The following ZNF385D variants were observed in gnomAD, a reference collection of about 807,000 sequenced individuals.
ZNF385D encodes zinc finger protein 659.
A neutral mutation model predicts 35.8 loss-of-function variants in ZNF385D; 15 were observed. That is an observed-to-expected ratio of 0.42 (90% confidence interval 0.28 to 0.64). The LOEUF is 0.64. ZNF385D is among the 30% of genes least tolerant of loss of function. The pLI, the probability that ZNF385D is intolerant of heterozygous loss-of-function variation, is 0.23. For synonymous variants in ZNF385D, 212 were observed against 186.8 expected (o/e 1.13, Z -1.10); for missense variants, 474 against 494.6 (o/e 0.96, Z 0.39).
chr3:21,633,973 A>T (rs563700345), intron 2 of ZNF385D, among the ~76,000 whole-genome samples: 1 of 152,204 alleles, frequency 6.6e-6, no homozygotes, highest in Admixed American at 6.6e-5. Context: ...AGGCAGGTGG[A>T]TTGCTTGAGC....
At chr3:21,624,177 C>G (rs996059820) in intron 2 of ZNF385D, among the ~76,000 whole-genome samples, 3 of 152,044 alleles carry the variant, frequency 2.0e-5, no homozygotes, top group African/African-American at 7.2e-5. Flanking sequence ...AGAAATGCCT[C>G]TATTCATAAA....
chr3:22,127,840 T>C (rs1176263490), intron 3 of ZNF385D, among the ~76,000 whole-genome samples: 1 of 152,054 alleles, frequency 6.6e-6, no homozygotes, highest in Non-Finnish European at 1.5e-5. Context: ...GTTTATATCA[T>C]ACTATACTAT....
At chr3:21,942,710 T>G (rs142000460) in intron 3 of ZNF385D, 1 of 152,300 alleles carries the variant, frequency 6.6e-6, no homozygotes, top group Non-Finnish European at 1.5e-5. Context: ...CTTTGATATT[T>G]CAAAATGTCA....
chr3:22,307,030 G>C (rs1703265657), intron 2 of ZNF385D, among the ~76,000 whole-genome samples: 1 of 152,078 alleles, frequency 6.6e-6, no homozygotes, highest in South Asian at 2.1e-4. Flanking sequence ...CTGTAGAGGG[G>C]ATTTACTCTG....
intron 1 of ZNF385D, 100 bp from the exon 2 acceptor site, chr3:21,665,128 T>A: frequency 7.1e-7 from 1 of 1,416,470 alleles, no homozygotes; most frequent in Non-Finnish European, 9.4e-7. Flanking sequence ...TGTGGGTCAC[T>A]GGAAAAAACA....
At chr3:21,612,426 T>A (rs2064710792) in intron 2 of ZNF385D, among the ~76,000 whole-genome samples, 1 of 152,040 alleles carries the variant, frequency 6.6e-6, no homozygotes, top group Non-Finnish European at 1.5e-5. Flanking sequence ...TATTCTCAGA[T>A]AAAGAAACTA....
At chr3:21,782,490 T>C (rs1261532694) in intron 3 of ZNF385D, among the ~76,000 whole-genome samples, 1 of 152,120 alleles carries the variant, frequency 6.6e-6, no homozygotes, top group Non-Finnish European at 1.5e-5. Flanking sequence ...TTATCTAGAA[T>C]TTGATCATTT....
chr3:21,838,398 C>T (rs183114662), intron 3 of ZNF385D, among the ~76,000 whole-genome samples: 1 of 152,206 alleles, frequency 6.6e-6, no homozygotes, highest in East Asian at 1.9e-4. Flanking sequence ...TGTTTGTGAA[C>T]AGCTTCCAGC....
chr3:21,537,050 A>G (rs191989181), intron 3 of ZNF385D, among the ~76,000 whole-genome samples: 123 of 152,134 alleles, frequency 8.1e-4, no homozygotes, highest in African/African-American at 2.9e-3. Flanking sequence ...ATCAAGATGA[A>G]TAACATTTTA....
At chr3:21,889,778 T>C (rs1698748093) in intron 3 of ZNF385D, among the ~76,000 whole-genome samples, 2 of 152,086 alleles carry the variant, frequency 1.3e-5, no homozygotes, top group East Asian at 1.9e-4. Context: ...AACAGAAATA[T>C]ATTATCTCAC....
chr3:22,362,278 T>C (rs550099095), intron 2 of ZNF385D, among the ~76,000 whole-genome samples: 151 of 151,266 alleles, frequency 1.0e-3, no homozygotes, highest in African/African-American at 3.5e-3. Flanking sequence ...CAGATTAACT[T>C]GCATTGATTT....
intron 2 of ZNF385D, among the ~76,000 whole-genome samples, chr3:22,326,089 C>G (rs765108827): frequency 6.6e-6 from 1 of 152,144 alleles, no homozygotes; most frequent in Admixed American, 6.5e-5. Context: ...CCACTTTTCC[C>G]TTCCAGGAAG....
At chr3:21,708,857 G>A (rs1266073915) in intron 1 of ZNF385D, among the ~76,000 whole-genome samples, 1 of 138,124 alleles carries the variant, frequency 7.2e-6, no homozygotes, top group East Asian at 2.0e-4. Context: ...GTGTGTGTGG[G>A]CGTGCACACA....
intron 3 of ZNF385D, among the ~76,000 whole-genome samples, chr3:21,911,389 A>G (rs1196478831): frequency 6.6e-6 from 1 of 152,100 alleles, no homozygotes; most frequent in Non-Finnish European, 1.5e-5. Flanking sequence ...CAATATGCCC[A>G]CTGTGACAAG....
chr3:22,154,383 TC>T (rs1336191147), intron 3 of ZNF385D, among the ~76,000 whole-genome samples: 8 of 152,228 alleles, frequency 5.3e-5, no homozygotes, highest in Admixed American at 2.6e-4. Flanking sequence ...CCTCTTACCT[TC>T]CCAGGATCCA....
At chr3:22,154,404 C>G (rs190962265) in intron 3 of ZNF385D, among the ~76,000 whole-genome samples, 10 of 152,192 alleles carry the variant, frequency 6.6e-5, no homozygotes, top group Admixed American at 6.5e-4. Flanking sequence ...AGAGTAGGAC[C>G]AACATTTCTC....
At chr3:22,102,162 C>A (rs1474999846) in intron 3 of ZNF385D, among the ~76,000 whole-genome samples, 2 of 151,878 alleles carry the variant, frequency 1.3e-5, no homozygotes, top group Non-Finnish European at 2.9e-5. Flanking sequence ...GTTCTTTTCC[C>A]AGGATGATTT....
chr3:21,444,437 T>G (rs574357855), intron 4 of ZNF385D, among the ~76,000 whole-genome samples: 1 of 147,396 alleles, frequency 6.8e-6, no homozygotes, highest in South Asian at 2.2e-4. Context: ...CTGGCTGTAG[T>G]GCAGTGGCGC....
At chr3:22,129,956 C>T (rs1468952612) in intron 3 of ZNF385D, among the ~76,000 whole-genome samples, 1 of 152,110 alleles carries the variant, frequency 6.6e-6, no homozygotes, top group Non-Finnish European at 1.5e-5. Flanking sequence ...TTGGGTCTTT[C>T]CCAAGGCCCA....
Sources: allele counts gnomAD v4.1 joint callset (sites outside exome capture counted in the v4.1 genomes callset), GRCh38; gene constraint gnomAD v4.1.1; transcripts MANE v1.5; gene names NCBI Gene and HGNC (gene_info 2026-07-23, HGNC 2026-07-21).